MYPN: variants seen among roughly 807,000 people sequenced by gnomAD.
The protein encoded by MYPN is sarcomeric protein myopalladin, 145 kDa (MYOP).
In MYPN, 63 loss-of-function variants were observed where a neutral mutation model predicts 129.4. The observed-to-expected ratio is 0.49, with a 90% CI of 0.40 to 0.60. The LOEUF (loss-of-function observed/expected upper bound fraction) is 0.60. Among genes scored for constraint, MYPN ranks in the 20% least tolerant of loss-of-function variants. The pLI is 0.00. For missense variants in MYPN, 1,596 were observed against 1,635.4 expected (o/e 0.98, Z 0.42); for synonymous variants, 629 against 600.9 (o/e 1.05, Z -0.68).
chr10:68,166,050 T>C (rs1025345438), intron 9 of MYPN, among the ~76,000 whole-genome samples: 53 of 152,302 alleles, frequency 3.5e-4, no homozygotes, highest in African/African-American at 1.2e-3. Context: ...CCTGAGAACA[T>C]CTCCTCAATA....
Position 68,174,158 on chromosome 10 carries a change from C to T in MYPN, c.2066C>T (p.Pro689Leu), listed in dbSNP as rs1554846787. ...CCTCCTTCATCTCCTAAGGAGTTTC[C>T]TTTCAGCATGACTGTTTTGAACTCC... is the stretch of plus-strand genomic sequence containing the variant. ...NPPPSSPKEF[P>L]FSMTVLNSNA... The change falls in exon 11 of 20, where the codon CCT (proline) becomes CTT (leucine). Residue 689 changes from proline to leucine, a missense_variant. By Grantham distance (98) the Pro-to-Leu change is moderately conservative. Transcript: ENST00000358913. The T allele has an allele frequency of 6.2e-7, 1 of 1,614,014 alleles. No individual in the cohort carries two copies.
chr10:68,146,061 G>A (rs1270386959), intron 4 of MYPN, among the ~76,000 whole-genome samples: 1 of 151,920 alleles, frequency 6.6e-6, no homozygotes, highest in Non-Finnish European at 1.5e-5. Context: ...TTGTTTTCCT[G>A]ACTCAGAAAA....
chr10:68,197,516 C>T (rs1440258797), intron 16 of MYPN, 38 bp downstream of exon 16: 7 of 1,607,810 alleles, frequency 4.4e-6, no homozygotes, highest in Non-Finnish European at 6.0e-6. Context: ...CAGATCTGTT[C>T]ATATTTTGTA....
chr10:68,143,198 C>T, intron 3 of MYPN, 83 bp downstream of exon 3: 2 of 1,318,800 alleles, frequency 1.5e-6, no homozygotes, highest in South Asian at 2.5e-5. Flanking sequence ...AGGGCCTCCT[C>T]TACCATGCGC....
intron 7 of MYPN, 143 bp from the exon 8 acceptor site, chr10:68,161,586 A>G (rs1397573753): frequency 9.1e-6 from 6 of 658,492 alleles, no homozygotes; most frequent in African/African-American, 1.8e-5. Flanking sequence ...TGTTGAGATC[A>G]TCTTACTTAA....
At chr10:68,120,795 A>G (rs2042229825) in intron 1 of MYPN, among the ~76,000 whole-genome samples, 1 of 152,204 alleles carries the variant, frequency 6.6e-6, no homozygotes, top group African/African-American at 2.4e-5. Flanking sequence ...ACCATTATCG[A>G]CATTATCAAT....
chr10:68,089,467 G>C (rs1164443665), intron 1 of MYPN, among the ~76,000 whole-genome samples: 1 of 151,868 alleles, frequency 6.6e-6, no homozygotes, highest in Non-Finnish European at 1.5e-5. Flanking sequence ...TCAGCCTCCC[G>C]AGTAGCTGGG....
rs775695649 is a variant in MYPN, at chr10:68,188,917, T to A, written c.2716T>A (p.Ser906Thr). 4.3e-6 allele frequency: 7 copies of A among 1,613,762 alleles called. No individual in the cohort carries two copies. The highest frequency in any genetic ancestry group is 3.4e-6 in the Non-Finnish European group (4 of 1,179,924). The change falls in exon 13 of 20, where the codon TCA becomes ACA. Residue 906 changes from serine to threonine, a missense_variant. Transcript: ENST00000358913. ...VRPNQQEYKI[S>T]SFEQRLMNEI... ...GTCATTTTGACAGGAGTACAAAATT[T>A]CAAGCTTTGAGCAGAGGCTGATGAA...
At position 68,149,974 on chromosome 10, in the gene MYPN, T is replaced by C. The variant is rs1408964867; in HGVS notation, c.1246-66T>C. ...TCATATACCAAATTCTATAGGTTTGTTATGTCTCACTATCCATCTAATAAT... is the reference window on the plus strand; with the variant it reads ...TCATATACCAAATTCTATAGGTTTGCTATGTCTCACTATCCATCTAATAAT... On this transcript the variant is annotated intron_variant, in intron 5 of 19. Transcript: ENST00000358913. The C allele has an allele frequency of 4.2e-6, 6 of 1,415,436 alleles. No homozygotes were observed. In the East Asian group the frequency reaches 1.1e-4, roughly 27 times the overall value. 87.7% of individuals were successfully genotyped at this position (1,415,436 alleles called of 1,614,324 possible).
intron 2 of MYPN, among the ~76,000 whole-genome samples, chr10:68,142,317 C>G (rs865880753): frequency 1.3e-5 from 2 of 152,000 alleles, no homozygotes; most frequent in African/African-American, 4.8e-5. Context: ...TAAACTTTGG[C>G]CAGAAAACTA....
At chr10:68,188,365 C>A (rs992016083) in intron 12 of MYPN, among the ~76,000 whole-genome samples, 3 of 151,678 alleles carry the variant, frequency 2.0e-5, no homozygotes, top group Admixed American at 6.6e-5. Flanking sequence ...CTACCTCAGC[C>A]TCCCAAAGGG....
At chr10:68,176,426 A>G (rs2043228379) in intron 12 of MYPN, among the ~76,000 whole-genome samples, 1 of 152,242 alleles carries the variant, frequency 6.6e-6, no homozygotes. Flanking sequence ...AATTTCAGTC[A>G]GTACAGTATG....
chr10:68,114,492 G>A (rs2042127266), intron 1 of MYPN, among the ~76,000 whole-genome samples: 1 of 151,944 alleles, frequency 6.6e-6, no homozygotes, highest in African/African-American at 2.4e-5. Context: ...GGGATTACAG[G>A]CACCTGCCAC....
chr10:68,174,307 C>T lies in MYPN; in HGVS notation c.2215C>T (p.Pro739Ser). 2 of 1,614,158 alleles carry T rather than the reference C, an allele frequency of 1.2e-6. No individual in the cohort carries two copies. The highest frequency in any genetic ancestry group is 1.7e-6 in the Non-Finnish European group (2 of 1,180,040). ...GAACACCACCGCAGCAACTGTGGCC[C>T]CTTCCAGCTCTCCGGTGTTCACTTT... ...STNTTAATVA[P>S]SSSPVFTLSS... is the part of the protein sequence containing the mutation. The change falls in exon 11 of 20, where the codon CCT (proline) becomes TCT (serine). Residue 739 changes from proline (P) to serine (S), a missense_variant. By Grantham distance (74) the Pro-to-Ser change is moderately conservative. Coordinates refer to ENST00000358913, the MANE Select transcript of MYPN (RefSeq NM_032578.4).
intron 16 of MYPN, 45 bp downstream of exon 16, chr10:68,197,523 T>C: frequency 6.2e-7 from 1 of 1,610,670 alleles, no homozygotes. Flanking sequence ...GTTCATATTT[T>C]GTATTTGTTT....
intron 7 of MYPN, 97 bp downstream of exon 7, chr10:68,158,724 T>C (rs1324520728): frequency 1.1e-6 from 1 of 919,974 alleles, no homozygotes; most frequent in African/African-American, 1.7e-5. Context: ...ATTAAAAATA[T>C]AGTCAAAAAG....
At chr10:68,202,047 C>A (rs1181263292) in intron 18 of MYPN, 53 bp downstream of exon 18, 1 of 1,600,486 alleles carries the variant, frequency 6.2e-7, no homozygotes, top group South Asian at 1.1e-5. Flanking sequence ...GGGCTTGTTG[C>A]GCCACCCAAA....
chr10:68,177,408 T>C (rs2134211529), intron 12 of MYPN, among the ~76,000 whole-genome samples: 1 of 152,318 alleles, frequency 6.6e-6, no homozygotes, highest in Middle Eastern at 3.4e-3. Flanking sequence ...CTACATTCCA[T>C]GCCATGGATA....
intron 12 of MYPN, among the ~76,000 whole-genome samples, chr10:68,186,237 G>C (rs2043419640): frequency 6.6e-6 from 1 of 152,018 alleles, no homozygotes; most frequent in South Asian, 2.1e-4. Context: ...TTTTTACCCA[G>C]TTTGAGACGA....
Sources: gnomAD v4.1 joint callset for allele counts (sites outside exome capture counted in the v4.1 genomes callset) on GRCh38, gnomAD v4.1.1 for gene constraint, MANE v1.5 for transcripts, NCBI Gene and HGNC (gene_info 2026-07-23, HGNC 2026-07-21) for gene names.